Variants in ANKRD55 observed in about 807,000 individuals in gnomAD.
ANKRD55 encodes ankyrin repeat domain-containing protein 55.
Under a neutral mutation model 60.6 loss-of-function variants are expected in ANKRD55, and 41 were observed. The ratio of observed to expected loss-of-function variants is 0.68; its 90% confidence interval spans 0.53 to 0.88. ANKRD55 has a LOEUF of 0.88. ANKRD55 is among the 40% of genes least tolerant of loss of function. The pLI is 0.00. For synonymous variants in ANKRD55, 264 were observed against 290.3 expected, an observed-to-expected ratio of 0.91 and a Z score of 0.92; for missense variants, 732 against 767.6, an observed-to-expected ratio of 0.95 and a Z score of 0.55.
chr5:56,186,033 G>T (rs991395287), intron 2 of ANKRD55, among the ~76,000 whole-genome samples: 1 of 152,186 alleles, frequency 6.6e-6, no homozygotes, highest in Non-Finnish European at 1.5e-5. Context: ...AAAGAGGAGG[G>T]GTGTCCAGGT....
chr5:56,170,209 T>C (rs945867810), intron 5 of ANKRD55, among the ~76,000 whole-genome samples: 1 of 152,216 alleles, frequency 6.6e-6, no homozygotes, highest in African/African-American at 2.4e-5. Flanking sequence ...CACTGCTCTT[T>C]TGCCCTATTT....
At chr5:56,129,595 A>G (rs1757356946) in intron 7 of ANKRD55, among the ~76,000 whole-genome samples, 1 of 152,126 alleles carries the variant, frequency 6.6e-6, no homozygotes, top group African/African-American at 2.4e-5. Context: ...GATTGATAAA[A>G]CAACAACAAC....
At chr5:56,210,873 A>C (rs941883364) in intron 2 of ANKRD55, among the ~76,000 whole-genome samples, 1 of 152,178 alleles carries the variant, frequency 6.6e-6, no homozygotes, top group Non-Finnish European at 1.5e-5. Flanking sequence ...AATTTTTTTC[A>C]AAATAGTCAG....
intron 7 of ANKRD55, among the ~76,000 whole-genome samples, chr5:56,139,438 G>A (rs1018262761): frequency 1.3e-5 from 2 of 152,112 alleles, no homozygotes; most frequent in Non-Finnish European, 2.9e-5. Flanking sequence ...GAAGAATTTG[G>A]AAAGGGAGCT....
At chr5:56,154,142 A>G (rs1363177291) in intron 6 of ANKRD55, among the ~76,000 whole-genome samples, 1 of 137,032 alleles carries the variant, frequency 7.3e-6, no homozygotes, top group Non-Finnish European at 1.5e-5. Context: ...TGGAGCTTGC[A>G]GTGAGCCAAG....
In ANKRD55 at chr5:56,116,703, G is replaced by C. The variant is rs1333319773; in HGVS notation, c.877C>G (p.Leu293Val). 1 of 1,614,108 alleles carries C rather than the reference G, an allele frequency of 6.2e-7. No homozygotes were observed. Among genetic ancestry groups the C allele is most frequent in the South Asian group, 1.1e-5 (1 of 91,068 alleles). Residue 293 changes from leucine (L) to valine (V), a missense_variant, in exon 9 of 12, where the codon CTG becomes GTG. Transcript: ENST00000341048. ...GGCGTGCTCTCATTGATGTCCCGCA[G>C]GTTGCTGTCCATTCCCAACTCCAGC... The part of the protein sequence containing the change: ...SLLELGMDSN[L>V]RDINESTPLA...
rs756792399 is a variant in ANKRD55 at position 56,224,604 on chromosome 5, G to GAAGAA, written c.58+8251_58+8252insTTCTT. 9.4e-4 allele frequency among the ~76,000 whole-genome samples: 142 copies of GAAGAA among 151,072 alleles called. 3 individuals carry two copies. In the Middle Eastern group the frequency reaches 0.027, roughly 29 times the overall value. ...ATAGACCACTAGTAAGACTAATAAA[G>GAAGAA]AAGAGAGAAGAATCAAACAGATGCA... On this transcript the variant is annotated intron_variant, in intron 2 of 11. Coordinates refer to ENST00000341048, the MANE Select transcript of ANKRD55 (RefSeq NM_024669.3).
Position 56,116,737 on chromosome 5 carries a change from G to C in ANKRD55, c.843C>G (p.Val281=). 6.2e-7 allele frequency: 1 copy of C among 1,613,798 alleles called. No homozygotes were observed. The highest frequency in any genetic ancestry group is 2.2e-5 in the East Asian group (1 of 44,826). ...CCATTCCCAACTCCAGCAGTGACTG[G>C]ACACATTCGGCCTTCCCTGCAGCTG... The part of the protein sequence containing the change: ...WAAAAGKAEC[V]QSLLELGMDS... Residue 281 remains valine (V), a synonymous_variant, in exon 9 of 12, where the codon GTC becomes GTG. Transcript: ENST00000341048.
chr5:56,138,493 T>C (rs1383103056), intron 7 of ANKRD55, among the ~76,000 whole-genome samples: 2 of 152,164 alleles, frequency 1.3e-5, no homozygotes, highest in African/African-American at 4.8e-5. Context: ...CTCCTTGATA[T>C]TTACCCAAAG....
rs1554040781 is a variant in ANKRD55 at position 56,166,087 on chromosome 5, T to TTTCTTTCTTTCTTTCTTTCTTTCTTTC, written c.422+4580_422+4606dup. Among the ~76,000 whole-genome samples the TTTCTTTCTTTCTTTCTTTCTTTCTTTC allele has an allele frequency of 8.1e-3, 102 of 12,552 alleles. 3 individuals are homozygous for TTTCTTTCTTTCTTTCTTTCTTTCTTTC. Among genetic ancestry groups the TTTCTTTCTTTCTTTCTTTCTTTCTTTC allele is most frequent in the Middle Eastern group, 0.031 (1 of 32 alleles). The allele number at this position is 12,552 out of a possible 152,430, so 8.2% of individuals were successfully genotyped here. A position where few individuals can be genotyped will look rare whatever the true frequency, so the allele number is the denominator to read the frequency against. ...ACCCTTCAGGGATCTTTCTTTTCTT[T>TTTCTTTCTTTCTTTCTTTCTTTCTTTC]TTCTTTCTTTCTTTCTTTCTTTCTT... On this transcript the variant is annotated intron_variant, in intron 5 of 11. Transcript: ENST00000341048.
chr5:56,193,615 A>G (rs1338463366), intron 2 of ANKRD55: 4 of 315,688 alleles, frequency 1.3e-5, no homozygotes, highest in Non-Finnish European at 2.4e-5. Flanking sequence ...TGAAGGCACA[A>G]AAGTGAAGTC....
intron 5 of ANKRD55, 124 bp downstream of exon 5, chr5:56,170,570 C>CA (rs3047043): frequency 0.087 from 51,413 of 593,188 alleles, 522 homozygotes; most frequent in East Asian, 0.19. Context: ...GCTGCAACTT[C>CA]AAAAAAAAAA....
Position 56,135,275 on chromosome 5 carries a change from C to T in ANKRD55, c.613-8169G>A, listed in dbSNP as rs879759695. Among the ~76,000 whole-genome samples, 879 of 104,060 alleles carry T rather than the reference C, an allele frequency of 8.4e-3. 21 individuals are homozygous for T. The highest frequency in any genetic ancestry group is 0.011 in the Admixed American group (114 of 10,304). 68.3% of individuals were successfully genotyped at this position (104,060 alleles called of 152,430 possible). On this transcript the variant is annotated intron_variant, in intron 7 of 11. Coordinates refer to ENST00000341048, the MANE Select transcript of ANKRD55 (RefSeq NM_024669.3). ...CCTTCCTTCCTTCTTTCCCTCCCTCCCTCCCTGCCTGCCTGCTTGCTTTCT... is the reference window on the plus strand; with the variant it reads ...CCTTCCTTCCTTCTTTCCCTCCCTCTCTCCCTGCCTGCCTGCTTGCTTTCT...
Position 56,135,345 on chromosome 5 carries a change from T to TTC in ANKRD55, c.613-8241_613-8240dup. Among the ~76,000 whole-genome samples, 5 of 21,216 alleles carry TTC rather than the reference T, an allele frequency of 2.4e-4. 1 individual carries two copies. The highest frequency in any genetic ancestry group is 7.0e-4 in the African/African-American group (2 of 2,856). 13.9% of individuals were successfully genotyped at this position (21,216 alleles called of 152,430 possible). A position where few individuals can be genotyped will look rare whatever the true frequency, so the allele number is the denominator to read the frequency against. ...TTTCTTTCTTTCTTTCTTTCTTTCT[T>TTC]TCTTTCTTTCTTTCTTTCTTTCCTT... On this transcript the variant is annotated intron_variant, in intron 7 of 11. Transcript: ENST00000341048.
intron 4 of ANKRD55, among the ~76,000 whole-genome samples, chr5:56,174,930 CAG>C (rs1325688554): frequency 6.6e-6 from 1 of 152,034 alleles, no homozygotes; most frequent in African/African-American, 2.4e-5. Flanking sequence ...GTATCTGACT[CAG>C]AAGGTCTAGG....
At chr5:56,208,451 G>A (rs1419722389) in intron 2 of ANKRD55, among the ~76,000 whole-genome samples, 2 of 151,622 alleles carry the variant, frequency 1.3e-5, no homozygotes, top group East Asian at 1.9e-4. Flanking sequence ...TTTTGACAGA[G>A]TCTCACTCTG....
At chr5:56,145,709 T>C (rs539421332) in intron 6 of ANKRD55, among the ~76,000 whole-genome samples, 34 of 152,324 alleles carry the variant, frequency 2.2e-4, no homozygotes, top group African/African-American at 8.2e-4. Context: ...GTTTAAGGTT[T>C]GTGGGACACT....
At chr5:56,154,890 C>T (rs999128949) in intron 6 of ANKRD55, among the ~76,000 whole-genome samples, 3 of 152,014 alleles carry the variant, frequency 2.0e-5, no homozygotes, top group African/African-American at 7.2e-5. Flanking sequence ...AGCCGGGCCT[C>T]AAAGATCTTA....
intron 5 of ANKRD55, among the ~76,000 whole-genome samples, chr5:56,169,007 C>T (rs1758547871): frequency 6.6e-6 from 1 of 152,226 alleles, no homozygotes; most frequent in Non-Finnish European, 1.5e-5. Flanking sequence ...CAGGCACTCA[C>T]CACCACATCT....
Sources: gnomAD v4.1 joint callset for allele counts (sites outside exome capture counted in the v4.1 genomes callset) on GRCh38, gnomAD v4.1.1 for gene constraint, MANE v1.5 for transcripts, NCBI Gene and HGNC (gene_info 2026-07-23, HGNC 2026-07-21) for gene names.